The following EPC1 variants were observed in gnomAD, a reference collection of about 807,000 sequenced individuals.
EPC1 encodes the protein enhancer of polycomb homolog 1.
EPC1 carries 12 observed loss-of-function variants against 98.4 expected under a neutral mutation model. That is an observed-to-expected ratio of 0.12 (90% CI 0.08 to 0.20). The LOEUF is 0.20. Among genes scored for constraint, EPC1 ranks in the 10% least tolerant of loss-of-function variants. The pLI, the probability that EPC1 is intolerant of heterozygous loss-of-function variation, is 1.00. For synonymous variants in EPC1, 357 were observed against 363.9 expected, an observed-to-expected ratio of 0.98 and a Z score of 0.21; for missense variants, 729 against 990.5, an observed-to-expected ratio of 0.74 and a Z score of 3.54.
In EPC1 at chr10:32,347,001, G is replaced by A. The variant is rs570194994; in HGVS notation, c.-86C>T. On this transcript the variant is annotated 5_prime_UTR_variant, in exon 1 of 14. Coordinates refer to ENST00000319778, the MANE Select transcript of EPC1 (RefSeq NM_001272004.3). ...AGAACCGGGGGTTCGGTCCCCACTC[G>A]CCAACCGCTGCCGGGGACTTGAGGG... The A allele has an allele frequency of 3.9e-6, 6 of 1,543,390 alleles. No individual in the cohort carries two copies. Among genetic ancestry groups the A allele is most frequent in the South Asian group, 3.6e-5 (3 of 82,954 alleles).
At chr10:32,277,914 G>T (rs938862491) in intron 10 of EPC1, among the ~76,000 whole-genome samples, 2 of 151,944 alleles carry the variant, frequency 1.3e-5, no homozygotes, top group Non-Finnish European at 2.9e-5. Flanking sequence ...GCCATGGTAT[G>T]GTACACCAGC....
chr10:32,375,581 C>T (rs1273999576), intron 1 of EPC1, among the ~76,000 whole-genome samples: 2 of 151,932 alleles, frequency 1.3e-5, no homozygotes, highest in Non-Finnish European at 2.9e-5. Context: ...ACAGATTCTC[C>T]ATGTCTTTGG....
upstream of EPC1, among the ~76,000 whole-genome samples, chr10:32,350,467 T>C (rs1256345512): frequency 6.6e-6 from 1 of 152,172 alleles, no homozygotes; most frequent in Non-Finnish European, 1.5e-5. Context: ...GGGAATGAAA[T>C]GCTATTATAG....
At chr10:32,378,591 T>G in exon 1 of EPC1, 2 of 811,450 alleles carry the variant, frequency 2.5e-6, no homozygotes, top group Non-Finnish European at 3.9e-6. Context: ...AGGCAGCATA[T>G]GGATCTTCCA....
intron 1 of EPC1, among the ~76,000 whole-genome samples, chr10:32,372,841 CA>C (rs895537033): frequency 1.3e-5 from 2 of 152,118 alleles, no homozygotes; most frequent in African/African-American, 4.8e-5. Flanking sequence ...GCCAACATGG[CA>C]AAATCCCATC....
chr10:32,326,149 C>T (rs943164159), intron 1 of EPC1, among the ~76,000 whole-genome samples: 3 of 152,136 alleles, frequency 2.0e-5, no homozygotes, highest in African/African-American at 4.8e-5. Context: ...TCCCTACTTC[C>T]TTATCCTTCC....
intron 11 of EPC1, 184 bp downstream of exon 11, chr10:32,272,979 A>T (rs1449617113): frequency 5.7e-6 from 9 of 1,574,054 alleles, no homozygotes; most frequent in Non-Finnish European, 7.8e-6. Context: ...TTACTTTTTA[A>T]AATAGGGAGC....
chr10:32,328,642 T>A (rs917613559), intron 1 of EPC1, among the ~76,000 whole-genome samples: 4 of 152,162 alleles, frequency 2.6e-5, no homozygotes, highest in South Asian at 2.1e-4. Flanking sequence ...AACAATGGCC[T>A]GGGGAGTTCC....
chr10:32,353,930 C>T (rs537200231), intron 1 of EPC1, among the ~76,000 whole-genome samples: 6 of 152,118 alleles, frequency 3.9e-5, no homozygotes, highest in Non-Finnish European at 8.8e-5. Context: ...GGTAAACAAA[C>T]ACTGGAAGCC....
At chr10:32,348,510 G>A (rs969169969), upstream of EPC1, among the ~76,000 whole-genome samples, 1 of 152,220 alleles carries the variant, frequency 6.6e-6, no homozygotes. Context: ...CAGGCAAACT[G>A]CTAGCCTCCA....
intron 1 of EPC1, chr10:32,378,424 A>G (rs1398566554): frequency 1.6e-5 from 21 of 1,346,274 alleles, no homozygotes; most frequent in Non-Finnish European, 2.0e-5. Context: ...AAGAAACACA[A>G]TGAAAATCCT....
exon 1 of EPC1, chr10:32,378,565 A>G: frequency 8.9e-7 from 1 of 1,125,530 alleles, no homozygotes; most frequent in Non-Finnish European, 1.3e-6. Flanking sequence ...TTGTGTCCCT[A>G]GAAACAACAG....
intron 10 of EPC1, among the ~76,000 whole-genome samples, chr10:32,277,524 T>C (rs1392076131): frequency 6.6e-6 from 1 of 152,188 alleles, no homozygotes; most frequent in East Asian, 1.9e-4. Context: ...AGAAACTACC[T>C]TTGTTTTGGT....
rs569855595 is a variant in EPC1 at position 32,292,352 on chromosome 10, A to C, written c.815+144T>G. The C allele has an allele frequency of 2.2e-5, 12 of 554,856 alleles. No homozygotes were observed. In the East Asian group the frequency reaches 4.3e-4, roughly 20 times the overall value. The allele number at this position is 554,856 out of a possible 1,614,324, so 34.4% of individuals were successfully genotyped here. A position where few individuals can be genotyped will look rare whatever the true frequency, so the allele number is the denominator to read the frequency against. ...AGAGGAAAACATGTAAAAGTATAAA[A>C]AGTATCATACCACATATTTAAAGTC... On this transcript the variant is annotated intron_variant, in intron 5 of 13. Transcript: ENST00000319778.
chr10:32,341,294 T>C (rs1838329220), intron 1 of EPC1, among the ~76,000 whole-genome samples: 1 of 150,656 alleles, frequency 6.6e-6, no homozygotes, highest in African/African-American at 2.4e-5. Context: ...CATTACTAAG[T>C]GCTTTAAAAC....
intron 1 of EPC1, among the ~76,000 whole-genome samples, chr10:32,339,371 T>A (rs558244963): frequency 6.6e-6 from 1 of 152,148 alleles, no homozygotes; most frequent in East Asian, 1.9e-4. Flanking sequence ...AGTTTGATGC[T>A]TTTTCCTATT....
At chr10:32,303,029 C>T (rs750382894) in intron 2 of EPC1, among the ~76,000 whole-genome samples, 4 of 152,066 alleles carry the variant, frequency 2.6e-5, no homozygotes, top group South Asian at 2.1e-4. Context: ...TCTGGCTGGG[C>T]GCAGTGGCTC....
chr10:32,346,453 G>A (rs1377716423), intron 1 of EPC1: 1 of 313,002 alleles, frequency 3.2e-6, no homozygotes. Flanking sequence ...CCCAACCCAA[G>A]AACTAAGACA....
At chr10:32,340,672 G>GA (rs1170964299) in intron 1 of EPC1, among the ~76,000 whole-genome samples, 1 of 152,034 alleles carries the variant, frequency 6.6e-6, no homozygotes, top group Non-Finnish European at 1.5e-5. Context: ...AATAAAAATA[G>GA]AAAAAATTAG....
Sources: allele counts gnomAD v4.1 joint callset (sites outside exome capture counted in the v4.1 genomes callset), GRCh38; gene constraint gnomAD v4.1.1; transcripts MANE v1.5; gene names NCBI Gene and HGNC (gene_info 2026-07-23, HGNC 2026-07-21).